STK40: variants seen among roughly 807,000 people sequenced by gnomAD.
STK40 encodes serine/threonine-protein kinase 40.
Under a neutral mutation model 47.9 loss-of-function variants are expected in STK40, and 13 were observed. The ratio of observed to expected loss-of-function variants is 0.27; its 90% CI spans 0.18 to 0.43. The LOEUF (loss-of-function observed/expected upper bound fraction) is 0.43. Among genes scored for constraint, STK40 ranks in the 20% least tolerant of loss-of-function variants. STK40 has a pLI of 1.00. For synonymous variants in STK40, 225 were observed against 243.2 expected, an observed-to-expected ratio of 0.93 and a Z score of 0.69; for missense variants, 460 against 595.1, an observed-to-expected ratio of 0.77 and a Z score of 2.36.
chr1:36,367,704 T>C (rs1441680504), intron 1 of STK40: 5 of 543,040 alleles, frequency 9.2e-6, no homozygotes, highest in Non-Finnish European at 1.2e-5. Context: ...ACGCCACCAC[T>C]GATCTCCCCA....
intron 2 of STK40, among the ~76,000 whole-genome samples, chr1:36,360,201 C>T (rs1646839900): frequency 6.6e-6 from 1 of 152,212 alleles, no homozygotes; most frequent in Non-Finnish European, 1.5e-5. Flanking sequence ...GTAGTAGGTA[C>T]ACACCATTAA....
At chr1:36,356,967 C>G (rs1206032206) in intron 4 of STK40, among the ~76,000 whole-genome samples, 1 of 152,188 alleles carries the variant, frequency 6.6e-6, no homozygotes, top group Non-Finnish European at 1.5e-5. Context: ...TAAAAATACT[C>G]TGAGTCACCT....
At chr1:36,362,831 A>C (rs1475854656) in intron 1 of STK40, among the ~76,000 whole-genome samples, 5 of 152,128 alleles carry the variant, frequency 3.3e-5, no homozygotes, top group African/African-American at 1.2e-4. Context: ...CTGTAATGCT[A>C]TTTTATGTTT....
rs753519696 is a variant in STK40, at chr1:36,355,363, C to A, written c.413G>T (p.Cys138Phe). 6.2e-7 allele frequency: 1 copy of A among 1,614,196 alleles called. No individual in the cohort carries two copies. Among genetic ancestry groups the A allele is most frequent in the Admixed American group, 1.7e-5 (1 of 60,016 alleles). Residue 138 changes from cysteine to phenylalanine, a missense_variant, in exon 5 of 11, where the codon TGC becomes TTC. Cys to Phe is a radical substitution (Grantham distance 205). This residue lies in a region of STK40 where 277 missense variants were observed against 358.7 expected (regional missense o/e 0.77). Coordinates refer to ENST00000373132, the MANE Select transcript of STK40 (RefSeq NM_001282547.2). The part of the protein sequence containing the change: ...RMVKKMKKRI[C>F]LVLDCLCAHD... ...AGCACAGAGGCAGTCCAGGACGAGG[C>A]AGATGCGCTTCTTCATCTTCTTAAC...
intron 2 of STK40, among the ~76,000 whole-genome samples, chr1:36,360,215 T>C (rs974742815): frequency 6.6e-6 from 1 of 152,198 alleles, no homozygotes; most frequent in African/African-American, 2.4e-5. Flanking sequence ...CCATTAAGTA[T>C]GTACTGAATG....
At chr1:36,356,437 T>C (rs997098166) in intron 4 of STK40, among the ~76,000 whole-genome samples, 3 of 146,288 alleles carry the variant, frequency 2.1e-5, no homozygotes, top group Non-Finnish European at 3.0e-5. Flanking sequence ...TTTTTTTTTT[T>C]TTTTGTGAGA....
chr1:36,370,589 A>G (rs1461362354), intron 1 of STK40, among the ~76,000 whole-genome samples: 2 of 152,218 alleles, frequency 1.3e-5, no homozygotes, highest in African/African-American at 2.4e-5. Context: ...CCACCCGTGC[A>G]CACTAGGTGG....
intron 2 of STK40, 66 bp downstream of exon 2, chr1:36,361,155 T>C: frequency 6.3e-7 from 1 of 1,585,292 alleles, no homozygotes. Context: ...GGTCAGATCA[T>C]GCGAGCCAAT....
In STK40 at chr1:36,348,576, G is replaced by A. The variant is rs972698065; in HGVS notation, c.739+124C>T. 3 of 780,490 alleles carry A rather than the reference G, an allele frequency of 3.8e-6. No homozygotes were observed. The Admixed American group carries it at 6.2e-5, about 16-fold the overall frequency. The allele number at this position is 780,490 out of a possible 1,614,324, so 48.3% of individuals were successfully genotyped here. A position where few individuals can be genotyped will look rare whatever the true frequency, so the allele number is the denominator to read the frequency against. On this transcript the variant is annotated intron_variant, in intron 7 of 10. Transcript: ENST00000373132. ...ATTTTGTATGGGGAGGGACAGTACT[G>A]GTCTGGGCCCCCAGTGAAGCCCCAG...
chr1:36,358,886 C>G, intron 2 of STK40, 64 bp from the exon 3 acceptor site: 1 of 1,593,600 alleles, frequency 6.3e-7, no homozygotes, highest in Non-Finnish European at 8.6e-7. Context: ...GCCAGGTCAC[C>G]ACGTGGTCTT....
chr1:36,358,675 A>C, intron 3 of STK40, 62 bp downstream of exon 3: 2 of 1,543,446 alleles, frequency 1.3e-6, no homozygotes, highest in Non-Finnish European at 1.8e-6. Flanking sequence ...TGGAGGAGGG[A>C]GGAGTGGGTT....
At chr1:36,343,057 G>T in intron 10 of STK40, 1 of 603,502 alleles carries the variant, frequency 1.7e-6, no homozygotes. Context: ...TCAGGGGGCA[G>T]AGAAATGTGA....
chr1:36,381,644 A>C (rs1013379310), intron 1 of STK40, among the ~76,000 whole-genome samples: 4 of 152,096 alleles, frequency 2.6e-5, no homozygotes, highest in African/African-American at 9.7e-5. Flanking sequence ...ACCACGCTTA[A>C]CTAATTTTTT....
At chr1:36,350,939 T>G (rs1312533289) in intron 6 of STK40, among the ~76,000 whole-genome samples, 1 of 152,036 alleles carries the variant, frequency 6.6e-6, no homozygotes, top group Non-Finnish European at 1.5e-5. Context: ...AACACTCCCC[T>G]GCCCTGCCAC....
In STK40 at chr1:36,344,095, C is replaced by A. The variant is rs750122460; in HGVS notation, c.884+25G>T. 10 of 1,585,874 alleles carry A rather than the reference C, an allele frequency of 6.3e-6. No homozygotes were observed. The South Asian group carries it at 6.7e-5, about 11-fold the overall frequency. On this transcript the variant is annotated intron_variant, in intron 8 of 10. Coordinates refer to ENST00000373132, the MANE Select transcript of STK40 (RefSeq NM_001282547.2). ...AAGCCCATCAGGCTGGCTGCCCCCC[C>A]CACCCCCCGGGAGGCAGGACTCACT...
At chr1:36,348,574 C>A in intron 7 of STK40, 126 bp downstream of exon 7, 1 of 765,454 alleles carries the variant, frequency 1.3e-6, no homozygotes, top group Non-Finnish European at 2.2e-6. Context: ...AGGGACAGTA[C>A]TGGTCTGGGC....
intron 6 of STK40, among the ~76,000 whole-genome samples, chr1:36,353,771 CG>C (rs1326217830): frequency 6.6e-6 from 1 of 152,180 alleles, no homozygotes; most frequent in Non-Finnish European, 1.5e-5. Context: ...GACTTCACTG[CG>C]GTTCAGCTTC....
At chr1:36,359,484 G>A (rs562001154) in intron 2 of STK40, among the ~76,000 whole-genome samples, 9 of 152,296 alleles carry the variant, frequency 5.9e-5, no homozygotes, top group East Asian at 1.9e-4. Context: ...AACTAGAGCC[G>A]CAACAGGTTC....
intron 1 of STK40, among the ~76,000 whole-genome samples, chr1:36,368,744 T>G (rs1646921398): frequency 6.6e-6 from 1 of 152,138 alleles, no homozygotes; most frequent in South Asian, 2.1e-4. Flanking sequence ...ATGGGTGATC[T>G]GGGAGAAAAA....
Sources: allele counts gnomAD v4.1 joint callset (sites outside exome capture counted in the v4.1 genomes callset), GRCh38; gene constraint gnomAD v4.1.1; regional missense constraint gnomAD v4.1.1; transcripts MANE v1.5; gene names NCBI Gene and HGNC (gene_info 2026-07-23, HGNC 2026-07-21).